Variants in TMEM117 observed in about 807,000 individuals in gnomAD.
The protein encoded by TMEM117 is transmembrane protein 117.
A neutral mutation model predicts 52.4 loss-of-function variants in TMEM117; 27 were observed. That is an observed-to-expected ratio of 0.51 (90% CI 0.38 to 0.71). The LOEUF (loss-of-function observed/expected upper bound fraction) is 0.71, where lower values mean the gene tolerates loss of function less well. Ranked by LOEUF, TMEM117 falls within the 30% of genes least tolerant of loss-of-function variation. The pLI, the probability that TMEM117 is intolerant of heterozygous loss-of-function variation, is 0.00. For synonymous variants in TMEM117, 215 were observed against 206.3 expected, an observed-to-expected ratio of 1.04 and a Z score of -0.36; for missense variants, 556 against 630.5, an observed-to-expected ratio of 0.88 and a Z score of 1.26.
intron 6 of TMEM117, among the ~76,000 whole-genome samples, chr12:44,353,531 C>A (rs1426166821): frequency 6.6e-6 from 1 of 151,772 alleles, no homozygotes; most frequent in African/African-American, 2.4e-5. Flanking sequence ...CCAGTTTTCC[C>A]AGCACCATTT....
chr12:44,357,311 G>C (rs1951663534), intron 6 of TMEM117, among the ~76,000 whole-genome samples: 1 of 152,074 alleles, frequency 6.6e-6, no homozygotes, highest in Non-Finnish European at 1.5e-5. Context: ...CTTGATGTCT[G>C]TGTCCCCACT....
intron 5 of TMEM117, among the ~76,000 whole-genome samples, chr12:44,217,438 A>G (rs1949732783): frequency 6.6e-6 from 1 of 152,210 alleles, no homozygotes; most frequent in South Asian, 2.1e-4. Context: ...ACTGCTGGTT[A>G]CATAGTGCCA....
At chr12:44,085,786 T>A (rs1043717822) in intron 3 of TMEM117, among the ~76,000 whole-genome samples, 3 of 152,242 alleles carry the variant, frequency 2.0e-5, no homozygotes, top group Admixed American at 6.5e-5. Context: ...TGATCATTAC[T>A]GAACATAACA....
intron 4 of TMEM117, among the ~76,000 whole-genome samples, chr12:44,208,725 G>GTTTTTTTTTTTTT (rs5797892): frequency 1.5e-5 from 1 of 68,828 alleles, no homozygotes; most frequent in East Asian, 5.1e-4. Flanking sequence ...CAGAAAGAAT[G>GTTTTTTTTTTTTT]TTTTTTTTTT....
chr12:43,806,451 C>A, the TMEM117 span: 1 of 1,048,470 alleles, frequency 9.5e-7, no homozygotes, highest in Non-Finnish European at 1.2e-6. Context: ...GGTCCAGCCC[C>A]CGGCCTCGCT....
chr12:44,315,472 GA>G (rs1951042362), intron 6 of TMEM117, among the ~76,000 whole-genome samples: 1 of 152,154 alleles, frequency 6.6e-6, no homozygotes, highest in South Asian at 2.1e-4. Flanking sequence ...TTCTTTCAAA[GA>G]ATTTTTTACT....
At chr12:44,361,231 T>C (rs1346698349) in intron 6 of TMEM117, among the ~76,000 whole-genome samples, 1 of 152,146 alleles carries the variant, frequency 6.6e-6, no homozygotes, top group Non-Finnish European at 1.5e-5. Flanking sequence ...AGATGAGCAA[T>C]TTATACAGCT....
chr12:44,161,563 C>T (rs946787811), intron 4 of TMEM117, among the ~76,000 whole-genome samples: 10 of 152,056 alleles, frequency 6.6e-5, no homozygotes, highest in African/African-American at 9.7e-5. Context: ...TTTATATATG[C>T]CATTTGTAAA....
intron 5 of TMEM117, among the ~76,000 whole-genome samples, chr12:44,265,619 C>T (rs1332620020): frequency 6.6e-6 from 1 of 152,080 alleles, no homozygotes; most frequent in Non-Finnish European, 1.5e-5. Flanking sequence ...ATTGACATAA[C>T]ATAAAATTAA....
intron 3 of TMEM117, among the ~76,000 whole-genome samples, chr12:44,043,954 G>A (rs1470378376): frequency 6.6e-6 from 1 of 152,166 alleles, no homozygotes; most frequent in Non-Finnish European, 1.5e-5. Context: ...GTTAAAAAAG[G>A]TTCTAATAGT....
At chr12:43,881,144 C>T (rs1222675395) in intron 2 of TMEM117, among the ~76,000 whole-genome samples, 1 of 152,194 alleles carries the variant, frequency 6.6e-6, no homozygotes, top group Admixed American at 6.5e-5. Flanking sequence ...GTCTATTATA[C>T]ATGCCTATAT....
intron 2 of TMEM117, among the ~76,000 whole-genome samples, chr12:43,857,563 G>A (rs535235404): frequency 6.8e-4 from 103 of 152,184 alleles, no homozygotes; most frequent in Non-Finnish European, 1.2e-3. Flanking sequence ...TTGACAGCTG[G>A]TTAAATAACA....
intron 3 of TMEM117, among the ~76,000 whole-genome samples, chr12:44,000,131 G>C (rs375794998): frequency 3.9e-5 from 6 of 152,230 alleles, no homozygotes; most frequent in African/African-American, 1.4e-4. Flanking sequence ...TCCTGGGCTA[G>C]GATATTTTGA....
At chr12:44,397,451 AC>A in the TMEM117 span, among the ~76,000 whole-genome samples, 1 of 152,176 alleles carries the variant, frequency 6.6e-6, no homozygotes, top group Non-Finnish European at 1.5e-5. Context: ...GCAGGACCAG[AC>A]AGAATGAAAT....
the TMEM117 span, among the ~76,000 whole-genome samples, chr12:43,804,758 T>C: frequency 6.6e-6 from 1 of 152,228 alleles, no homozygotes; most frequent in African/African-American, 2.4e-5. Context: ...ATATAAATAT[T>C]AGCATTTTAA....
intron 2 of TMEM117, among the ~76,000 whole-genome samples, chr12:43,919,151 T>G (rs1944652459): frequency 6.6e-6 from 1 of 152,250 alleles, no homozygotes; most frequent in African/African-American, 2.4e-5. Context: ...GTAATAACAC[T>G]GGACATGAAG....
At chr12:44,267,908 C>T (rs1414285958) in intron 5 of TMEM117, among the ~76,000 whole-genome samples, 1 of 152,084 alleles carries the variant, frequency 6.6e-6, no homozygotes, top group Non-Finnish European at 1.5e-5. Flanking sequence ...CATCAGTGGA[C>T]ATTTAGGTTG....
chr12:44,131,928 T>C (rs1208784154), intron 3 of TMEM117, among the ~76,000 whole-genome samples: 1 of 152,138 alleles, frequency 6.6e-6, no homozygotes, highest in Non-Finnish European at 1.5e-5. Flanking sequence ...TTTTCTGCAT[T>C]GTCTGTTTTG....
At chr12:44,369,883 AAAC>A (rs1459758470) in intron 6 of TMEM117, among the ~76,000 whole-genome samples, 1 of 152,246 alleles carries the variant, frequency 6.6e-6, no homozygotes, top group Non-Finnish European at 1.5e-5. Flanking sequence ...TTGAAGGGAA[AAAC>A]AACAGTGAAT....
Sources: gnomAD v4.1 joint callset for allele counts (sites outside exome capture counted in the v4.1 genomes callset) on GRCh38, gnomAD v4.1.1 for gene constraint, MANE v1.5 for transcripts, NCBI Gene and HGNC (gene_info 2026-07-23, HGNC 2026-07-21) for gene names.